PCCA: variants seen among roughly 807,000 people sequenced by gnomAD.
PCCA encodes the protein propionyl-CoA carboxylase subunit alpha, also known as propionyl-CoA carboxylase alpha chain, mitochondrial.
In PCCA, 74 loss-of-function variants were observed where a neutral mutation model predicts 101.3. The observed-to-expected ratio is 0.73, with a 90% CI of 0.61 to 0.89. The LOEUF (loss-of-function observed/expected upper bound fraction) is 0.89, where lower values mean the gene tolerates loss of function less well. Ranked by LOEUF, PCCA falls within the 40% of genes least tolerant of loss-of-function variation. The pLI is 0.00. For synonymous variants in PCCA, 294 were observed against 313.6 expected (o/e 0.94, Z 0.66); for missense variants, 891 against 907.0 (o/e 0.98, Z 0.23).
intron 20 of PCCA, among the ~76,000 whole-genome samples, chr13:100,437,142 C>G (rs186764275): frequency 9.1e-4 from 139 of 152,268 alleles, no homozygotes; most frequent in Middle Eastern, 3.4e-3. Flanking sequence ...CTGGTTTTCT[C>G]TTTCTCAAAG....
chr13:100,258,504 T>A (rs1314023099), intron 9 of PCCA, among the ~76,000 whole-genome samples: 1 of 152,206 alleles, frequency 6.6e-6, no homozygotes, highest in Non-Finnish European at 1.5e-5. Flanking sequence ...TCTCATTGTT[T>A]TTCTGTTTTG....
intron 18 of PCCA, among the ~76,000 whole-genome samples, chr13:100,367,472 T>G (rs1361209781): frequency 6.6e-6 from 1 of 151,390 alleles, no homozygotes; most frequent in Non-Finnish European, 1.5e-5. Context: ...ATAAGTCATT[T>G]AGGGTTTTGT....
At chr13:100,349,797 G>A (rs972647318) in intron 18 of PCCA, among the ~76,000 whole-genome samples, 9 of 152,178 alleles carry the variant, frequency 5.9e-5, no homozygotes, top group African/African-American at 2.2e-4. Context: ...TGGCTACACA[G>A]CCTGGTGTCA....
rs112661512 is a variant in PCCA, at chr13:100,168,282, G to A, written c.468+10942G>A. 2.9e-3 allele frequency among the ~76,000 whole-genome samples: 445 copies of A among 152,234 alleles called. 5 individuals are homozygous for A. Among genetic ancestry groups the A allele is most frequent in the African/African-American group, 0.01 (418 of 41,532 alleles). ...TACTGGGTCTAAGATAAATTAGGCT[G>A]TAACCAAGAATATTTATATATCAAA... On this transcript the variant is annotated intron_variant, in intron 6 of 23. Coordinates refer to ENST00000376285, the MANE Select transcript of PCCA (RefSeq NM_000282.4).
chr13:100,463,105 G>A (rs868846542), intron 21 of PCCA, among the ~76,000 whole-genome samples: 8 of 152,172 alleles, frequency 5.3e-5, no homozygotes, highest in African/African-American at 1.4e-4. Context: ...ATTAATAAAG[G>A]CGCAGAGGTA....
At chr13:100,367,479 TTG>T (rs151316391) in intron 18 of PCCA, among the ~76,000 whole-genome samples, 4,654 of 149,456 alleles carry the variant, frequency 0.031, 224 homozygotes, top group African/African-American at 0.11. Context: ...ATTTAGGGTT[TTG>T]TGTGTGTGTG....
chr13:100,101,589 A>T (rs2047283561), intron 1 of PCCA, among the ~76,000 whole-genome samples: 1 of 152,018 alleles, frequency 6.6e-6, no homozygotes, highest in South Asian at 2.1e-4. Flanking sequence ...TACATTTTTT[A>T]AATTAATTAA....
chr13:100,115,068 T>C (rs2048675735), intron 4 of PCCA, among the ~76,000 whole-genome samples: 1 of 152,190 alleles, frequency 6.6e-6, no homozygotes, highest in Non-Finnish European at 1.5e-5. Flanking sequence ...AAAATGTACA[T>C]ATGTACGGTA....
chr13:100,398,525 T>C (rs372960472), intron 19 of PCCA, among the ~76,000 whole-genome samples: 1 of 152,190 alleles, frequency 6.6e-6, no homozygotes, highest in Non-Finnish European at 1.5e-5. Context: ...TGCTTAGATC[T>C]CTTGATTTGA....
In PCCA at chr13:100,229,698, A is replaced by C. The variant is rs370796916; in HGVS notation, c.601-6144A>C. Among the ~76,000 whole-genome samples, 20 of 152,340 alleles carry C rather than the reference A, an allele frequency of 1.3e-4. No homozygotes were observed. The South Asian group carries it at 4.1e-3, about 32-fold the overall frequency. ...TGTGAGGTCCTGTTCCAGCCAATGGAAACCGGACACAGCAGTAGGGTGGGC... is the reference window on the plus strand; with the variant it reads ...TGTGAGGTCCTGTTCCAGCCAATGGCAACCGGACACAGCAGTAGGGTGGGC... On this transcript the variant is annotated intron_variant, in intron 7 of 23. Coordinates refer to ENST00000376285, the MANE Select transcript of PCCA (RefSeq NM_000282.4).
intron 4 of PCCA, chr13:100,150,861 C>CT (rs1169770826): frequency 2.0e-5 from 31 of 1,574,342 alleles, no homozygotes; most frequent in Non-Finnish European, 2.6e-5. Context: ...CCATAAGTTG[C>CT]ACCCTTAGGA....
rs190864845 is a variant in PCCA, at chr13:100,406,443, G to A, written c.1747-19190G>A. ...AAATTGGCCGGGTGCGGCCGCTCAC[G>A]CCTGTAATCCCAGCACTTTGGGAGG... On this transcript the variant is annotated intron_variant, in intron 19 of 23. Coordinates refer to ENST00000376285, the MANE Select transcript of PCCA (RefSeq NM_000282.4). 1.5e-3 allele frequency among the ~76,000 whole-genome samples: 228 copies of A among 152,248 alleles called. 2 individuals are homozygous for A. Among genetic ancestry groups the A allele is most frequent in the African/African-American group, 5.2e-3 (216 of 41,542 alleles).
chr13:100,119,280 G>A (rs1027310534), intron 4 of PCCA, among the ~76,000 whole-genome samples: 2 of 152,042 alleles, frequency 1.3e-5, no homozygotes, highest in Non-Finnish European at 2.9e-5. Context: ...GTTTGTGGGT[G>A]TTTATTTCTA....
At chr13:100,510,946 G>A (rs920780458) in intron 21 of PCCA, among the ~76,000 whole-genome samples, 5 of 152,218 alleles carry the variant, frequency 3.3e-5, no homozygotes, top group Non-Finnish European at 7.3e-5. Flanking sequence ...AAGGAAGGAC[G>A]GCCGTAGGCT....
intron 18 of PCCA, among the ~76,000 whole-genome samples, chr13:100,357,743 C>T (rs2074100370): frequency 6.6e-6 from 1 of 152,182 alleles, no homozygotes; most frequent in Non-Finnish European, 1.5e-5. Flanking sequence ...TGAAAGCAGT[C>T]ACTATTGCAT....
At chr13:100,098,143 A>C (rs2152231677) in intron 1 of PCCA, among the ~76,000 whole-genome samples, 1 of 152,208 alleles carries the variant, frequency 6.6e-6, no homozygotes, top group East Asian at 1.9e-4. Flanking sequence ...ATGGGCTATA[A>C]TTGTGCCTGT....
Position 100,180,336 on chromosome 13 carries a change from A to G in PCCA, c.468+22996A>G, listed in dbSNP as rs1015194332. ...AATTTGTCCTGCTGTTCTTAGCATCATAGCTCTCTGTGAAAACAAAGCTAT... is the reference window on the plus strand; with the variant it reads ...AATTTGTCCTGCTGTTCTTAGCATCGTAGCTCTCTGTGAAAACAAAGCTAT... On this transcript the variant is annotated intron_variant, in intron 6 of 23. Coordinates refer to ENST00000376285, the MANE Select transcript of PCCA (RefSeq NM_000282.4). Among the ~76,000 whole-genome samples the G allele has an allele frequency of 3.9e-5, 6 of 152,232 alleles. No individual in the cohort carries two copies. The East Asian group carries it at 7.7e-4, about 19-fold the overall frequency.
intron 19 of PCCA, among the ~76,000 whole-genome samples, chr13:100,424,639 A>G (rs1456521413): frequency 6.6e-6 from 1 of 152,172 alleles, no homozygotes; most frequent in Non-Finnish European, 1.5e-5. Flanking sequence ...ACTTGTCAGA[A>G]TGTTTTCAGC....
At chr13:100,413,046 G>C (rs555799216) in intron 19 of PCCA, among the ~76,000 whole-genome samples, 2 of 152,284 alleles carry the variant, frequency 1.3e-5, no homozygotes, top group South Asian at 4.1e-4. Flanking sequence ...GGTGGCCCCA[G>C]AGGCTAAAAA....
Sources: allele counts gnomAD v4.1 joint callset (sites outside exome capture counted in the v4.1 genomes callset), GRCh38; gene constraint gnomAD v4.1.1; transcripts MANE v1.5; gene names NCBI Gene and HGNC (gene_info 2026-07-23, HGNC 2026-07-21).